The following CAMK1D variants were observed in gnomAD, a reference collection of about 807,000 sequenced individuals.
CAMK1D encodes the protein calcium/calmodulin-dependent protein kinase type 1D.
CAMK1D carries 9 observed loss-of-function variants against 47.7 expected under a neutral mutation model. That is an observed-to-expected ratio of 0.19 (90% CI 0.11 to 0.33). The LOEUF (loss-of-function observed/expected upper bound fraction) is 0.33, where lower values mean the gene tolerates loss of function less well. Ranked by LOEUF, CAMK1D falls within the 10% of genes least tolerant of loss-of-function variation. The probability of loss-of-function intolerance (pLI) is 1.00; values close to 1 mark genes in which losing one functional copy is unlikely to be tolerated. For synonymous variants in CAMK1D, 184 were observed against 184.9 expected (o/e 0.99, Z 0.04); for missense variants, 291 against 488.7 (o/e 0.60, Z 3.81).
At chr10:12,387,442 AT>A (rs368868461) in intron 1 of CAMK1D, among the ~76,000 whole-genome samples, 2 of 49,806 alleles carry the variant, frequency 4.0e-5, no homozygotes, top group Non-Finnish European at 7.9e-5. Context: ...TATTATATAT[AT>A]TTTATATATA....
chr10:12,716,431 T>G (rs1436572578), intron 3 of CAMK1D, among the ~76,000 whole-genome samples: 1 of 152,210 alleles, frequency 6.6e-6, no homozygotes, highest in East Asian at 1.9e-4. Context: ...AAATTTGCAC[T>G]GGGCCTGCCT....
At chr10:12,377,692 G>A (rs1838223608) in intron 1 of CAMK1D, among the ~76,000 whole-genome samples, 1 of 152,134 alleles carries the variant, frequency 6.6e-6, no homozygotes, top group Admixed American at 6.5e-5. Flanking sequence ...ACTTCAAGGG[G>A]TTTCTTCATA....
Position 12,676,454 on chromosome 10 carries a change from AGTTGTCTCTGCCT to A in CAMK1D, c.299+9652_299+9664del, listed in dbSNP as rs542644003. 1.5e-3 allele frequency among the ~76,000 whole-genome samples: 233 copies of A among 152,302 alleles called. 1 individual carries two copies. The highest frequency in any genetic ancestry group is 5.3e-3 in the African/African-American group (222 of 41,552). On this transcript the variant is annotated intron_variant, in intron 3 of 10. Transcript: ENST00000619168. The stretch of plus-strand genomic sequence containing the variant: ...CTGTAGCACTTGTCACCATCAGAAA[AGTTGTCTCTGCCT>A]GTTGTCTGCTGGAACAGTGCTTTCA...
chr10:12,428,060 G>A (rs1406507830), intron 1 of CAMK1D, among the ~76,000 whole-genome samples: 3 of 152,000 alleles, frequency 2.0e-5, no homozygotes, highest in African/African-American at 7.2e-5. Context: ...GGATACATGT[G>A]CAGAATGTGC....
chr10:12,754,516 A>G (rs527929270), intron 3 of CAMK1D, among the ~76,000 whole-genome samples: 24 of 152,364 alleles, frequency 1.6e-4, no homozygotes, highest in African/African-American at 5.5e-4. Context: ...AAGAGAATGT[A>G]TATTCAAAGA....
chr10:12,429,971 A>C (rs944472323), intron 1 of CAMK1D, among the ~76,000 whole-genome samples: 1 of 150,280 alleles, frequency 6.7e-6, no homozygotes, highest in Admixed American at 6.6e-5. Context: ...GCCCCTCCCC[A>C]CCCCGGGGAG....
chr10:12,760,907 A>C (rs777188543), intron 3 of CAMK1D, 41 bp from the exon 4 acceptor site: 57 of 1,593,782 alleles, frequency 3.6e-5, no homozygotes, highest in Non-Finnish European at 4.8e-5. Context: ...TTCACAATTC[A>C]ACAGATCCTT....
At chr10:12,491,736 A>G (rs745427638) in intron 1 of CAMK1D, among the ~76,000 whole-genome samples, 2 of 152,088 alleles carry the variant, frequency 1.3e-5, no homozygotes, top group Non-Finnish European at 2.9e-5. Flanking sequence ...TGATAAAGTC[A>G]TTAAAAGCCC....
intron 2 of CAMK1D, among the ~76,000 whole-genome samples, chr10:12,607,513 G>T (rs1483004604): frequency 1.3e-5 from 2 of 152,132 alleles, no homozygotes; most frequent in Non-Finnish European, 2.9e-5. Flanking sequence ...AGCGGGTCCC[G>T]TGTCTGTCTG....
In CAMK1D at chr10:12,407,334, G is replaced by T. The variant is rs114278490; in HGVS notation, c.92+57424G>T. Among the ~76,000 whole-genome samples, 345 of 152,370 alleles carry T rather than the reference G, an allele frequency of 2.3e-3. 4 individuals carry two copies. The highest frequency in any genetic ancestry group is 8.2e-3 in the African/African-American group (340 of 41,586). ...CCAGAAGCTCCCACTGCCAGGGGAA[G>T]GGAACTCCAGGAAATCATACCAGCC... On this transcript the variant is annotated intron_variant, in intron 1 of 10. Transcript: ENST00000619168.
In CAMK1D at chr10:12,690,407, A is replaced by G. The variant is rs1832832640; in HGVS notation, c.299+23597A>G. On this transcript the variant is annotated intron_variant, in intron 3 of 10. Transcript: ENST00000619168. Reference sequence around the variant, plus strand: ...GTAAAACAGAAGCACAGCCTGTAGAAGGGAGGGCGAAGTTGTTATTTATGC... The same window carrying G: ...GTAAAACAGAAGCACAGCCTGTAGAGGGGAGGGCGAAGTTGTTATTTATGC... Among the ~76,000 whole-genome samples the G allele has an allele frequency of 2.0e-5, 3 of 152,288 alleles. No homozygotes were observed. The South Asian group carries it at 6.2e-4, about 32-fold the overall frequency.
chr10:12,375,072 T>C (rs1172068750), intron 1 of CAMK1D, among the ~76,000 whole-genome samples: 1 of 152,060 alleles, frequency 6.6e-6, no homozygotes, highest in Non-Finnish European at 1.5e-5. Context: ...TCTGGGATTA[T>C]AGGTGTGAGC....
chr10:12,756,434 C>T (rs996718256), intron 3 of CAMK1D, among the ~76,000 whole-genome samples: 1 of 152,178 alleles, frequency 6.6e-6, no homozygotes, highest in African/African-American at 2.4e-5. Flanking sequence ...CTGAGTTTTA[C>T]TCGGTCCAGC....
At chr10:12,744,415 C>T (rs994890247) in intron 3 of CAMK1D, among the ~76,000 whole-genome samples, 1 of 152,176 alleles carries the variant, frequency 6.6e-6, no homozygotes, top group Non-Finnish European at 1.5e-5. Flanking sequence ...TGTTTTCCAT[C>T]GTGGCTGCCC....
In CAMK1D at chr10:12,511,559, G is replaced by T. The variant is rs528858817; in HGVS notation, c.93-41666G>T. On this transcript the variant is annotated intron_variant, in intron 1 of 10. Transcript: ENST00000619168. ...CCAGGATGTTGAGGCTGTAGTGAGTGGTGATCGCTCCACCACACTCTAGCC... is the reference window on the plus strand; with the variant it reads ...CCAGGATGTTGAGGCTGTAGTGAGTTGTGATCGCTCCACCACACTCTAGCC... Among the ~76,000 whole-genome samples, 16 of 152,256 alleles carry T rather than the reference G, an allele frequency of 1.1e-4. No homozygotes were observed. In the South Asian group the frequency reaches 2.9e-3, roughly 28 times the overall value.
At chr10:12,589,155 T>A (rs1468053720) in intron 2 of CAMK1D, among the ~76,000 whole-genome samples, 2 of 151,964 alleles carry the variant, frequency 1.3e-5, no homozygotes, top group African/African-American at 4.8e-5. Context: ...GGACCACAGG[T>A]GCACAGCACA....
intron 2 of CAMK1D, among the ~76,000 whole-genome samples, chr10:12,611,568 C>G (rs1588687847): frequency 7.0e-6 from 1 of 142,176 alleles, no homozygotes; most frequent in Admixed American, 7.6e-5. Context: ...ACCCCCAGTT[C>G]CCTGAATGTT....
chr10:12,576,537 G>C (rs1380206664), intron 2 of CAMK1D, among the ~76,000 whole-genome samples: 1 of 152,164 alleles, frequency 6.6e-6, no homozygotes. Context: ...TGGGAGCCCT[G>C]AGCTTGTTTT....
intron 1 of CAMK1D, among the ~76,000 whole-genome samples, chr10:12,476,435 G>A (rs931325647): frequency 3.3e-5 from 5 of 152,156 alleles, no homozygotes; most frequent in African/African-American, 1.2e-4. Context: ...CAGAACAGGG[G>A]AGGAAGCCCC....
Sources: allele counts gnomAD v4.1 joint callset (sites outside exome capture counted in the v4.1 genomes callset), GRCh38; gene constraint gnomAD v4.1.1; transcripts MANE v1.5; gene names NCBI Gene and HGNC (gene_info 2026-07-23, HGNC 2026-07-21).